MALRD1: variants seen among roughly 807,000 people sequenced by gnomAD.
MALRD1 encodes the protein MAM and LDL-receptor class A domain-containing protein 1.
MALRD1 carries 247 observed loss-of-function variants against 242.1 expected under a neutral mutation model. That is an observed-to-expected ratio of 1.02 (90% CI 0.92 to 1.13). The LOEUF is 1.13. MALRD1 is among the 50% of genes most tolerant of loss of function. The pLI is 0.00. For missense variants in MALRD1, 2,989 were observed against 2,533.1 expected, an observed-to-expected ratio of 1.18 and a Z score of -3.86; for synonymous variants, 995 against 866.6, an observed-to-expected ratio of 1.15 and a Z score of -2.60.
intron 32 of MALRD1, among the ~76,000 whole-genome samples, chr10:19,542,394 A>G (rs1020125521): frequency 1.3e-5 from 2 of 151,986 alleles, no homozygotes; most frequent in African/African-American, 2.4e-5. Flanking sequence ...TCATAAAATA[A>G]CAAAATATTT....
intron 4 of MALRD1, among the ~76,000 whole-genome samples, chr10:19,102,071 CAT>C (rs1342052781): frequency 3.4e-4 from 30 of 88,192 alleles, no homozygotes; most frequent in African/African-American, 5.5e-4. Context: ...ATAATTATAA[CAT>C]ATATATGGTA....
chr10:19,456,750 C>CATTTATTT (rs148086758), intron 29 of MALRD1, among the ~76,000 whole-genome samples: 34,742 of 141,384 alleles, frequency 0.25, 4,493 homozygotes, highest in Middle Eastern at 0.34. Flanking sequence ...TTAAAAGTGA[C>CATTTATTT]ATTTATTTAT....
At chr10:19,499,995 AT>A (rs1053056543) in intron 31 of MALRD1, among the ~76,000 whole-genome samples, 4 of 152,078 alleles carry the variant, frequency 2.6e-5, no homozygotes, top group Non-Finnish European at 2.9e-5. Context: ...CTTTGATATG[AT>A]GGTGGATTTG....
intron 10 of MALRD1, among the ~76,000 whole-genome samples, chr10:19,143,545 T>C (rs1833620727): frequency 6.6e-6 from 1 of 152,122 alleles, no homozygotes; most frequent in Non-Finnish European, 1.5e-5. Flanking sequence ...AAAGAAGAGA[T>C]GAAGTATTAA....
chr10:19,087,928 C>A lies in MALRD1; in HGVS notation c.429C>A (p.Asp143Glu). ...TCCTTCCAACAAATGATCAACATGA[C>A]TGCCAGGTATTTGAAAGCACACAGC... ...RVFLPTNDQH[D>E]CQITFYYFSC... Residue 143 changes from aspartate (D) to glutamate (E), a missense_variant, in exon 3 of 40, where the codon GAC becomes GAA. Physicochemically the swap from Asp to Glu is conservative, Grantham distance 45. Coordinates refer to ENST00000454679, the MANE Select transcript of MALRD1 (RefSeq NM_001142308.3). The A allele has an allele frequency of 8.1e-7, 1 of 1,232,854 alleles. No individual in the cohort carries two copies. The highest frequency in any genetic ancestry group is 1.0e-6 in the Non-Finnish European group (1 of 987,402). The allele number at this position is 1,232,854 out of a possible 1,614,324, so 76.4% of individuals were successfully genotyped here.
intron 36 of MALRD1, 64 bp downstream of exon 36, chr10:19,615,987 T>C (rs942479561): frequency 1.9e-5 from 22 of 1,167,478 alleles, no homozygotes; most frequent in Non-Finnish European, 2.4e-5. Flanking sequence ...TATTTTTCTA[T>C]AGGCTGATAT....
At chr10:19,453,066 T>G (rs1443887380) in intron 29 of MALRD1, among the ~76,000 whole-genome samples, 3 of 152,220 alleles carry the variant, frequency 2.0e-5, no homozygotes, top group Admixed American at 6.5e-5. Context: ...TACATTTTAT[T>G]ATTACAGTGG....
At chr10:19,577,017 T>A (rs1284864520) in intron 33 of MALRD1, among the ~76,000 whole-genome samples, 1 of 151,350 alleles carries the variant, frequency 6.6e-6, no homozygotes, top group African/African-American at 2.4e-5. Flanking sequence ...AACTTCAAAG[T>A]TGATTGAGAA....
chr10:19,376,429 G>A (rs766161733), intron 26 of MALRD1, among the ~76,000 whole-genome samples: 48 of 151,584 alleles, frequency 3.2e-4, no homozygotes, highest in Non-Finnish European at 5.2e-4. Context: ...GAGGTCTCCA[G>A]ACATCAAAAA....
intron 36 of MALRD1, among the ~76,000 whole-genome samples, chr10:19,669,738 A>G (rs906353835): frequency 3.3e-5 from 5 of 152,222 alleles, no homozygotes; most frequent in Admixed American, 1.3e-4. Flanking sequence ...ATTGGCTCAG[A>G]AGTAAACCAT....
intron 24 of MALRD1, among the ~76,000 whole-genome samples, chr10:19,332,778 T>C (rs1455633104): frequency 6.6e-6 from 1 of 152,184 alleles, no homozygotes; most frequent in Non-Finnish European, 1.5e-5. Context: ...AAGATATTAT[T>C]AGTGCAGTCA....
intron 31 of MALRD1, among the ~76,000 whole-genome samples, chr10:19,507,760 G>A (rs896899431): frequency 6.6e-6 from 1 of 152,116 alleles, no homozygotes; most frequent in African/African-American, 2.4e-5. Context: ...TGAAACATTT[G>A]GGATTTCTGT....
intron 18 of MALRD1, among the ~76,000 whole-genome samples, chr10:19,228,632 G>T (rs2131686425): frequency 6.6e-6 from 1 of 152,178 alleles, no homozygotes; most frequent in African/African-American, 2.4e-5. Flanking sequence ...GTGGAAATCT[G>T]CTGAGTGCCA....
chr10:19,389,057 ACT>A (rs1846218463), intron 27 of MALRD1: 1 of 337,256 alleles, frequency 3.0e-6, no homozygotes. Context: ...ATATTTACAC[ACT>A]CAAGAGATGA....
intron 33 of MALRD1, among the ~76,000 whole-genome samples, chr10:19,585,171 C>T (rs1411795703): frequency 1.4e-4 from 22 of 152,230 alleles, no homozygotes; most frequent in Admixed American, 1.2e-3. Context: ...GGTCTTGGCT[C>T]TTTATCCAAT....
intron 29 of MALRD1, among the ~76,000 whole-genome samples, chr10:19,487,559 T>A (rs2131201631): frequency 6.6e-6 from 1 of 151,674 alleles, no homozygotes; most frequent in East Asian, 1.9e-4. Flanking sequence ...AACCAACTAT[T>A]TAGAGTGACA....
At position 19,606,522 on chromosome 10, in the gene MALRD1, A is replaced by G. The variant is rs553020260; in HGVS notation, c.5945-1255A>G. 2.0e-4 allele frequency among the ~76,000 whole-genome samples: 30 copies of G among 152,262 alleles called. No individual in the cohort carries two copies. The South Asian group carries it at 5.8e-3, about 29-fold the overall frequency. On this transcript the variant is annotated intron_variant, in intron 34 of 39. Transcript: ENST00000454679. Reference sequence around the variant, plus strand: ...AGGAGCAGGGTTAGAAAACAAGTATAGATCAATACCATTATTATTTAGTGC... The same window carrying G: ...AGGAGCAGGGTTAGAAAACAAGTATGGATCAATACCATTATTATTTAGTGC...
chr10:19,648,509 A>C (rs1480075154), intron 36 of MALRD1, among the ~76,000 whole-genome samples: 1 of 152,160 alleles, frequency 6.6e-6, no homozygotes, highest in African/African-American at 2.4e-5. Context: ...CACAAGTTTC[A>C]AGATAATCAA....
intron 1 of MALRD1, among the ~76,000 whole-genome samples, chr10:19,064,162 A>G (rs1036587687): frequency 3.9e-5 from 6 of 152,156 alleles, no homozygotes; most frequent in Admixed American, 3.9e-4. Flanking sequence ...TTGAAAACAA[A>G]GTGATACGTT....
Sources: gnomAD v4.1 joint callset for allele counts (sites outside exome capture counted in the v4.1 genomes callset) on GRCh38, gnomAD v4.1.1 for gene constraint, MANE v1.5 for transcripts, NCBI Gene and HGNC (gene_info 2026-07-23, HGNC 2026-07-21) for gene names.